PLPPR1: variants seen among roughly 807,000 people sequenced by gnomAD.
PLPPR1 encodes the protein phospholipid phosphatase related 1.
Under a neutral mutation model 33.1 loss-of-function variants are expected in PLPPR1, and 10 were observed. The observed-to-expected ratio is 0.30, with a 90% confidence interval of 0.19 to 0.51. The LOEUF (loss-of-function observed/expected upper bound fraction) is 0.51. Among genes scored for constraint, PLPPR1 ranks in the 20% least tolerant of loss-of-function variants. The probability of loss-of-function intolerance (pLI) is 0.97; values close to 1 mark genes in which losing one functional copy is unlikely to be tolerated. For missense variants in PLPPR1, 304 were observed against 408.1 expected, an observed-to-expected ratio of 0.74 and a Z score of 2.20; for synonymous variants, 151 against 151.0, an observed-to-expected ratio of 1.00 and a Z score of 0.00.
chr9:101,211,764 A>G (rs1322149002), intron 2 of PLPPR1, among the ~76,000 whole-genome samples: 1 of 152,214 alleles, frequency 6.6e-6, no homozygotes, highest in Non-Finnish European at 1.5e-5. Flanking sequence ...TTCTTCTTAG[A>G]ATCCAAACTA....
At chr9:101,238,285 T>C (rs1485253150) in intron 2 of PLPPR1, among the ~76,000 whole-genome samples, 1 of 136,152 alleles carries the variant, frequency 7.3e-6, no homozygotes, top group Non-Finnish European at 1.6e-5. Flanking sequence ...ACATCCTATA[T>C]ACATACCCTA....
At chr9:101,036,089 T>C (rs1248798657) in intron 1 of PLPPR1, among the ~76,000 whole-genome samples, 1 of 152,190 alleles carries the variant, frequency 6.6e-6, no homozygotes, top group Non-Finnish European at 1.5e-5. Context: ...TTTTAAATGT[T>C]GCATTAAAAT....
chr9:101,126,544 G>A (rs1364152543), intron 1 of PLPPR1, among the ~76,000 whole-genome samples: 2 of 152,138 alleles, frequency 1.3e-5, no homozygotes, highest in African/African-American at 4.8e-5. Context: ...GGTTTATTGA[G>A]GTGCCCTCTG....
intron 1 of PLPPR1, among the ~76,000 whole-genome samples, chr9:101,098,865 G>A (rs1830855871): frequency 1.3e-5 from 2 of 152,088 alleles, no homozygotes; most frequent in South Asian, 4.1e-4. Flanking sequence ...AAAGTGAGAA[G>A]TGAGTCTTGA....
At chr9:101,169,206 G>C (rs1221837172) in intron 1 of PLPPR1, among the ~76,000 whole-genome samples, 1 of 152,044 alleles carries the variant, frequency 6.6e-6, no homozygotes, top group East Asian at 1.9e-4. Context: ...GTGTGCTTCA[G>C]TTCTTTCTCC....
At chr9:101,195,468 A>T (rs968541336) in intron 2 of PLPPR1, among the ~76,000 whole-genome samples, 32 of 152,226 alleles carry the variant, frequency 2.1e-4, no homozygotes, top group African/African-American at 7.5e-4. Context: ...TTATTCATTA[A>T]ATAATTTATA....
intron 1 of PLPPR1, among the ~76,000 whole-genome samples, chr9:101,112,027 A>T (rs914844044): frequency 3.3e-5 from 5 of 152,202 alleles, no homozygotes; most frequent in African/African-American, 4.8e-5. Flanking sequence ...AGTTCAGAGG[A>T]TCATTTGGAA....
chr9:101,212,623 T>C (rs1194485364), intron 2 of PLPPR1, among the ~76,000 whole-genome samples: 1 of 152,212 alleles, frequency 6.6e-6, no homozygotes, highest in Non-Finnish European at 1.5e-5. Context: ...AAAAATGCAC[T>C]GTTGTCAGTA....
intron 1 of PLPPR1, among the ~76,000 whole-genome samples, chr9:101,070,502 A>G (rs1046128446): frequency 3.3e-5 from 5 of 152,066 alleles, no homozygotes; most frequent in Non-Finnish European, 7.4e-5. Context: ...TGAAGCAGAG[A>G]TTACCAACAG....
intron 3 of PLPPR1, among the ~76,000 whole-genome samples, chr9:101,282,929 GAATT>G (rs1564026153): frequency 2.0e-5 from 3 of 152,158 alleles, no homozygotes; most frequent in African/African-American, 4.8e-5. Context: ...TGGATTGGAA[GAATT>G]AATACTGTTA....
At chr9:101,257,132 TGAGAATCTTCCA>T (rs1286139102) in intron 2 of PLPPR1, among the ~76,000 whole-genome samples, 2 of 152,098 alleles carry the variant, frequency 1.3e-5, no homozygotes, top group Non-Finnish European at 2.9e-5. Context: ...CAGTAGGCCC[TGAGAATCTTCCA>T]GTAACAAAAT....
intron 1 of PLPPR1, among the ~76,000 whole-genome samples, chr9:101,042,733 A>G (rs928647913): frequency 2.6e-5 from 4 of 152,236 alleles, no homozygotes; most frequent in Admixed American, 2.0e-4. Context: ...TATAATTCCC[A>G]GGGTAATATT....
chr9:101,217,880 C>G (rs898163879), intron 2 of PLPPR1, among the ~76,000 whole-genome samples: 1 of 152,014 alleles, frequency 6.6e-6, no homozygotes, highest in African/African-American at 2.4e-5. Flanking sequence ...TTAATAGAAT[C>G]ATGATAAACC....
At chr9:101,085,320 T>C (rs1169571462) in intron 1 of PLPPR1, among the ~76,000 whole-genome samples, 1 of 152,200 alleles carries the variant, frequency 6.6e-6, no homozygotes, top group Non-Finnish European at 1.5e-5. Context: ...AGAATATCTT[T>C]CCAAGATCCT....
At chr9:101,165,096 T>C (rs1825837251) in intron 1 of PLPPR1, among the ~76,000 whole-genome samples, 1 of 152,162 alleles carries the variant, frequency 6.6e-6, no homozygotes, top group East Asian at 1.9e-4. Flanking sequence ...TAAAGCATTA[T>C]GTAAGTCAGA....
At chr9:101,222,722 C>T (rs987113205) in intron 2 of PLPPR1, among the ~76,000 whole-genome samples, 1 of 152,116 alleles carries the variant, frequency 6.6e-6, no homozygotes, top group African/African-American at 2.4e-5. Context: ...GGTGGCAAGT[C>T]TCTCCTGAGT....
chr9:101,245,705 G>C (rs528532433), intron 2 of PLPPR1, among the ~76,000 whole-genome samples: 1 of 151,958 alleles, frequency 6.6e-6, no homozygotes, highest in East Asian at 2.0e-4. Context: ...CCACAAAAAA[G>C]TTACTTGTCT....
At chr9:101,242,522 T>C (rs574197470) in intron 2 of PLPPR1, among the ~76,000 whole-genome samples, 1 of 152,196 alleles carries the variant, frequency 6.6e-6, no homozygotes, top group African/African-American at 2.4e-5. Flanking sequence ...TCTTCAATCA[T>C]TGCTTCTTTG....
At chr9:101,089,330 T>C (rs1208183791) in intron 1 of PLPPR1, among the ~76,000 whole-genome samples, 3 of 150,346 alleles carry the variant, frequency 2.0e-5, no homozygotes, top group Non-Finnish European at 4.4e-5. Flanking sequence ...GATAGATAGA[T>C]AGTAGTTAAT....
Sources: allele counts gnomAD v4.1 joint callset (sites outside exome capture counted in the v4.1 genomes callset), GRCh38; gene constraint gnomAD v4.1.1; transcripts MANE v1.5; gene names NCBI Gene and HGNC (gene_info 2026-07-23, HGNC 2026-07-21).